The following GRK5 variants were observed in gnomAD, a reference collection of about 807,000 sequenced individuals.
GRK5 encodes g protein-coupled receptor kinase GRK5.
GRK5 carries 40 observed loss-of-function variants against 78.4 expected under a neutral mutation model. The ratio of observed to expected loss-of-function variants is 0.51; its 90% CI spans 0.40 to 0.66. The LOEUF is 0.66. Among genes scored for constraint, GRK5 ranks in the 30% least tolerant of loss-of-function variants. The pLI is 0.00. For missense variants in GRK5, 598 were observed against 759.9 expected (o/e 0.79, Z 2.50); for synonymous variants, 289 against 296.8 (o/e 0.97, Z 0.27).
intron 3 of GRK5, among the ~76,000 whole-genome samples, chr10:119,381,975 T>G (rs553668265): frequency 6.6e-6 from 1 of 152,268 alleles, no homozygotes; most frequent in East Asian, 1.9e-4. Flanking sequence ...CCCCTTAAAG[T>G]CAGTAAGTCC....
In GRK5 at chr10:119,452,805, C is replaced by T. The variant is rs200305868; in HGVS notation, c.1539C>T (p.Asn513=). ...GCTCTGTGTCCATCCCATGGCAAAA[C>T]GAGGTGAGCAGGGCAGACCACTTGC... ...STGSVSIPWQ[N]EMIETECFKE... Residue 513 remains asparagine, a synonymous_variant, in exon 14 of 16, where the codon AAC becomes AAT. Transcript: ENST00000392870. This position sits in a 1 kb window ranked among gnomAD's most constrained non-coding sequence, Gnocchi z 4.4. The T allele has an allele frequency of 2.9e-4, 401 of 1,387,934 alleles. No homozygotes were observed. Among genetic ancestry groups the T allele is most frequent in the Middle Eastern group, 6.1e-4 (3 of 4,894 alleles). 86.0% of individuals were successfully genotyped at this position (1,387,934 alleles called of 1,614,324 possible).
At chr10:119,436,906 C>A in intron 9 of GRK5, 65 bp downstream of exon 9, 4 of 1,432,806 alleles carry the variant, frequency 2.8e-6, no homozygotes, top group Middle Eastern at 2.4e-4. Context: ...CCCCTCCACA[C>A]CCTCGGGCAG....
intron 1 of GRK5, among the ~76,000 whole-genome samples, chr10:119,218,721 C>T (rs1404724689): frequency 6.6e-6 from 1 of 152,090 alleles, no homozygotes; most frequent in Non-Finnish European, 1.5e-5. Flanking sequence ...TTTTCTCAAG[C>T]CAAATGCTGT....
intron 2 of GRK5, among the ~76,000 whole-genome samples, chr10:119,359,263 G>A (rs1199039213): frequency 6.6e-6 from 1 of 152,154 alleles, no homozygotes; most frequent in East Asian, 1.9e-4. Context: ...GGGCTTGGGG[G>A]CAGTACATGC....
intron 4 of GRK5, among the ~76,000 whole-genome samples, chr10:119,403,560 T>G (rs912163690): frequency 5.9e-5 from 9 of 152,244 alleles, no homozygotes; most frequent in Non-Finnish European, 1.3e-4. Context: ...GATATTCCAT[T>G]GTAAAGATAC....
At chr10:119,346,937 G>A (rs140527367) in intron 2 of GRK5, among the ~76,000 whole-genome samples, 23 of 152,284 alleles carry the variant, frequency 1.5e-4, no homozygotes, top group South Asian at 6.2e-4. Context: ...AGGAACTGAC[G>A]GAAGTAAGTC....
At chr10:119,367,329 G>A (rs1851465685) in intron 2 of GRK5, among the ~76,000 whole-genome samples, 1 of 152,202 alleles carries the variant, frequency 6.6e-6, no homozygotes, top group Non-Finnish European at 1.5e-5. Flanking sequence ...GTGAGCTCGT[G>A]TGCCTGTGAA....
intron 1 of GRK5, among the ~76,000 whole-genome samples, chr10:119,215,137 G>A (rs56393339): frequency 2.2e-4 from 34 of 152,202 alleles, no homozygotes; most frequent in African/African-American, 7.0e-4. Flanking sequence ...TCTGTTCAAC[G>A]TAGTAGCCAC....
At chr10:119,243,719 C>T (rs1460832065) in intron 1 of GRK5, among the ~76,000 whole-genome samples, 6 of 152,022 alleles carry the variant, frequency 3.9e-5, no homozygotes, top group Admixed American at 6.6e-5. Flanking sequence ...AGGAAAGTCA[C>T]GGAAAGGACT....
At chr10:119,332,027 T>G (rs1850788875) in intron 2 of GRK5, among the ~76,000 whole-genome samples, 1 of 152,178 alleles carries the variant, frequency 6.6e-6, no homozygotes, top group Admixed American at 6.5e-5. Flanking sequence ...CTTCTAAAAT[T>G]TATGATACAG....
chr10:119,318,297 G>C (rs1449512931), intron 1 of GRK5, among the ~76,000 whole-genome samples: 1 of 152,158 alleles, frequency 6.6e-6, no homozygotes, highest in African/African-American at 2.4e-5. Flanking sequence ...TGTCAAACGG[G>C]TTCAATACTA....
chr10:119,325,938 G>A (rs921995094), intron 1 of GRK5, among the ~76,000 whole-genome samples: 5 of 152,336 alleles, frequency 3.3e-5, no homozygotes, highest in African/African-American at 9.6e-5. Context: ...GAGGCAGGGC[G>A]GGCCCCTCAG....
In GRK5 at chr10:119,207,641, G is replaced by A. The variant is rs2133689515; in HGVS notation, c.-277G>A. 8 of 369,798 alleles carry A rather than the reference G, an allele frequency of 2.2e-5. No individual in the cohort carries two copies. Among genetic ancestry groups the A allele is most frequent in the South Asian group, 1.7e-4 (7 of 40,290 alleles). 22.9% of individuals were successfully genotyped at this position (369,798 alleles called of 1,614,324 possible). ...GAGAATGGAGTGACAGAGACACGCG[G>A]AGGGTGGGGGGTGGGGGGGAGCGTG... On this transcript the variant is annotated 5_prime_UTR_variant, in exon 1 of 16. Coordinates refer to ENST00000392870, the MANE Select transcript of GRK5 (RefSeq NM_005308.3).
intron 4 of GRK5, among the ~76,000 whole-genome samples, chr10:119,399,593 T>C (rs1347981447): frequency 6.6e-6 from 1 of 152,160 alleles, no homozygotes; most frequent in Non-Finnish European, 1.5e-5. Flanking sequence ...GAACCCTCAG[T>C]GGTCAATTAC....
chr10:119,297,412 C>T (rs1850102679), intron 1 of GRK5, among the ~76,000 whole-genome samples: 1 of 152,182 alleles, frequency 6.6e-6, no homozygotes, highest in Admixed American at 6.5e-5. Context: ...TCTGGCCTCC[C>T]CACTGTACAG....
At chr10:119,396,892 T>C (rs1309455213) in intron 4 of GRK5, 120 bp downstream of exon 4, 8 of 785,978 alleles carry the variant, frequency 1.0e-5, no homozygotes, top group Non-Finnish European at 2.2e-6. Context: ...GTGGCTGTTG[T>C]TGACCTCCTG....
intron 1 of GRK5, among the ~76,000 whole-genome samples, chr10:119,305,254 G>A (rs1015475509): frequency 2.0e-5 from 3 of 152,086 alleles, no homozygotes; most frequent in South Asian, 2.1e-4. Flanking sequence ...TCCTCTCTTC[G>A]CTGACAGAAC....
chr10:119,333,764 C>T (rs149073110), intron 2 of GRK5: 115 of 532,604 alleles, frequency 2.2e-4, no homozygotes, highest in African/African-American at 1.3e-3. Flanking sequence ...ATGCTGTCCA[C>T]GGGGGAGCTG....
Position 119,411,842 on chromosome 10 carries a change from C to CTTTTTTTTTTTTTTTTTTTTTTTT in GRK5, c.340-11321_340-11298dup, listed in dbSNP as rs10578557. The stretch of plus-strand genomic sequence containing the variant: ...CCTCAGCTTCATTGCAGATCTGCTT[C>CTTTTTTTTTTTTTTTTTTTTTTTT]TTTTTTTTTTTTTTTTTTTTTTTTT... On this transcript the variant is annotated intron_variant, in intron 4 of 15. Coordinates refer to ENST00000392870, the MANE Select transcript of GRK5 (RefSeq NM_005308.3). Among the ~76,000 whole-genome samples, 13 of 95,978 alleles carry CTTTTTTTTTTTTTTTTTTTTTTTT rather than the reference C, an allele frequency of 1.4e-4. 2 individuals carry two copies. The highest frequency in any genetic ancestry group is 2.1e-4 in the Non-Finnish European group (10 of 47,858). The allele number at this position is 95,978 out of a possible 152,430, so 63.0% of individuals were successfully genotyped here. A position where few individuals can be genotyped will look rare whatever the true frequency, so the allele number is the denominator to read the frequency against.
Sources: allele counts gnomAD v4.1 joint callset (sites outside exome capture counted in the v4.1 genomes callset), GRCh38; gene constraint gnomAD v4.1.1; non-coding constraint Gnocchi (gnomAD v3.1); transcripts MANE v1.5; gene names NCBI Gene and HGNC (gene_info 2026-07-23, HGNC 2026-07-21).